Variants in TTC28 observed in about 807,000 individuals in gnomAD.
TTC28 encodes the protein tetratricopeptide repeat domain 28.
TTC28 carries 61 observed loss-of-function variants against 198.0 expected under a neutral mutation model. The ratio of observed to expected loss-of-function variants is 0.31; its 90% CI spans 0.25 to 0.38. The LOEUF (loss-of-function observed/expected upper bound fraction) is 0.38, where lower values mean the gene tolerates loss of function less well. TTC28 is among the 10% of genes least tolerant of loss of function. The pLI is 1.00. For synonymous variants in TTC28, 1,171 were observed against 1,297.8 expected (o/e 0.90, Z 2.10); for missense variants, 2,678 against 3,164.0 (o/e 0.85, Z 3.69).
chr22:28,537,810 GGT>G (rs1265537134), intron 2 of TTC28, among the ~76,000 whole-genome samples: 1 of 152,002 alleles, frequency 6.6e-6, no homozygotes, highest in African/African-American at 2.4e-5. Context: ...AATAAACTAG[GGT>G]AGTTCTCTAT....
intron 5 of TTC28, among the ~76,000 whole-genome samples, chr22:28,279,607 T>C (rs1434174262): frequency 6.6e-6 from 1 of 152,202 alleles, no homozygotes; most frequent in Non-Finnish European, 1.5e-5. Flanking sequence ...TCTTATCTTG[T>C]GACCCACCCA....
intron 5 of TTC28, among the ~76,000 whole-genome samples, chr22:28,260,041 T>C (rs1569226560): frequency 1.3e-5 from 2 of 152,290 alleles, no homozygotes; most frequent in South Asian, 2.1e-4. Context: ...TTTCAGTTGA[T>C]GCTGTGCTCT....
At chr22:27,990,577 C>G (rs1937363891) in intron 20 of TTC28, among the ~76,000 whole-genome samples, 1 of 152,110 alleles carries the variant, frequency 6.6e-6, no homozygotes, top group Admixed American at 6.6e-5. Flanking sequence ...ATCAAGGACG[C>G]AAGAAGGGCG....
rs8137771 is a variant in TTC28 at position 28,648,156 on chromosome 22, G to A, written c.103-18326C>T. Among the ~76,000 whole-genome samples the A allele has an allele frequency of 4.7e-3, 702 of 150,042 alleles. 3 individuals are homozygous for A. The highest frequency in any genetic ancestry group is 0.016 in the African/African-American group (665 of 40,818). On this transcript the variant is annotated intron_variant, in intron 1 of 22. Coordinates refer to ENST00000397906, the MANE Select transcript of TTC28 (RefSeq NM_001145418.2). ...GGAGAATGTCGTGAACCCAGGAGGCGGAGCTTGCAGCGAGCCAAGATCGTG... is the reference window on the plus strand; with the variant it reads ...GGAGAATGTCGTGAACCCAGGAGGCAGAGCTTGCAGCGAGCCAAGATCGTG...
At chr22:28,337,340 T>C (rs1381104079) in intron 2 of TTC28, among the ~76,000 whole-genome samples, 1 of 152,196 alleles carries the variant, frequency 6.6e-6, no homozygotes, top group East Asian at 1.9e-4. Flanking sequence ...GAGAGTTCTG[T>C]AGATGTCTAT....
chr22:27,980,623 A>T lies in TTC28; in HGVS notation c.*1598T>A, dbSNP rs1936977107. On this transcript the variant is annotated 3_prime_UTR_variant, in exon 23 of 23. Coordinates refer to ENST00000397906, the MANE Select transcript of TTC28 (RefSeq NM_001145418.2). Reference sequence around the variant, plus strand: ...CTGCCAGGCCCCTCAGGTCTGCTCCATGTGCTGCTGGTGGCCCAGGCCAGG... The same window carrying T: ...CTGCCAGGCCCCTCAGGTCTGCTCCTTGTGCTGCTGGTGGCCCAGGCCAGG... 6.6e-6 allele frequency: 1 copy of T among 152,252 alleles called. No homozygotes were observed. The highest frequency in any genetic ancestry group is 2.1e-4 in the South Asian group (1 of 4,834). The allele number at this position is 152,252 out of a possible 1,614,324, so 9.4% of individuals were successfully genotyped here. A position where few individuals can be genotyped will look rare whatever the true frequency, so the allele number is the denominator to read the frequency against.
chr22:28,079,134 C>T (rs1360772866), intron 12 of TTC28, among the ~76,000 whole-genome samples: 1 of 152,058 alleles, frequency 6.6e-6, no homozygotes, highest in African/African-American at 2.4e-5. Context: ...GTTTGGGGAG[C>T]TTTGTGGTGG....
intron 2 of TTC28, among the ~76,000 whole-genome samples, chr22:28,572,510 G>C (rs534178613): frequency 6.6e-6 from 1 of 152,050 alleles, no homozygotes; most frequent in Non-Finnish European, 1.5e-5. Context: ...TATTAAACAT[G>C]GCCCTGACCT....
intron 1 of TTC28, among the ~76,000 whole-genome samples, chr22:28,632,913 C>G (rs1418813201): frequency 6.6e-6 from 1 of 151,804 alleles, no homozygotes; most frequent in Non-Finnish European, 1.5e-5. Context: ...ACTGCTTGAG[C>G]CCAGGAGTTT....
chr22:28,284,173 A>G (rs749062320), intron 5 of TTC28, among the ~76,000 whole-genome samples: 2 of 152,238 alleles, frequency 1.3e-5, no homozygotes. Flanking sequence ...ATCCAAAGGC[A>G]TTACAGCACC....
chr22:28,610,107 AC>A (rs1272438940), intron 2 of TTC28, among the ~76,000 whole-genome samples: 1 of 151,536 alleles, frequency 6.6e-6, no homozygotes, highest in African/African-American at 2.4e-5. Context: ...TATAGATAAA[AC>A]CCCCATCTTC....
At chr22:28,292,223 T>C (rs2044801529) in intron 5 of TTC28, among the ~76,000 whole-genome samples, 1 of 152,190 alleles carries the variant, frequency 6.6e-6, no homozygotes, top group Non-Finnish European at 1.5e-5. Flanking sequence ...CCTCTCTCTC[T>C]CTTGCCCAGA....
chr22:28,036,564 C>G (rs1487415443), intron 12 of TTC28, among the ~76,000 whole-genome samples: 1 of 152,190 alleles, frequency 6.6e-6, no homozygotes, highest in Non-Finnish European at 1.5e-5. Flanking sequence ...CAAGAGAAAG[C>G]AGGAGAGATC....
At chr22:28,480,094 G>A (rs188628647) in intron 2 of TTC28, among the ~76,000 whole-genome samples, 11 of 152,286 alleles carry the variant, frequency 7.2e-5, no homozygotes, top group Non-Finnish European at 1.6e-4. Context: ...TCAACATGCA[G>A]ATTTTACAAG....
At chr22:28,290,245 C>G (rs1391133168) in intron 5 of TTC28, among the ~76,000 whole-genome samples, 1 of 152,026 alleles carries the variant, frequency 6.6e-6, no homozygotes, top group Non-Finnish European at 1.5e-5. Flanking sequence ...ATTTCACTAT[C>G]AAAATGATGC....
chr22:28,295,587 G>A (rs2044877635), intron 5 of TTC28, among the ~76,000 whole-genome samples: 1 of 152,148 alleles, frequency 6.6e-6, no homozygotes, highest in African/African-American at 2.4e-5. Context: ...AGGAAGTACT[G>A]CAGCTGGGAT....
chr22:28,645,073 A>G (rs1193867037), intron 1 of TTC28, among the ~76,000 whole-genome samples: 1 of 151,644 alleles, frequency 6.6e-6, no homozygotes, highest in Non-Finnish European at 1.5e-5. Flanking sequence ...TGAACCCAGG[A>G]GGCAGAGCTT....
At chr22:28,653,781 T>C (rs1165828509) in intron 1 of TTC28, among the ~76,000 whole-genome samples, 1 of 152,210 alleles carries the variant, frequency 6.6e-6, no homozygotes, top group Non-Finnish European at 1.5e-5. Flanking sequence ...TTAGCTCCCT[T>C]ATACATACCA....
At chr22:28,432,631 T>C (rs902802826) in intron 2 of TTC28, among the ~76,000 whole-genome samples, 1 of 152,192 alleles carries the variant, frequency 6.6e-6, no homozygotes, top group Non-Finnish European at 1.5e-5. Flanking sequence ...AGAACCACGC[T>C]AGCATCAGAA....
Sources: gnomAD v4.1 joint callset for allele counts (sites outside exome capture counted in the v4.1 genomes callset) on GRCh38, gnomAD v4.1.1 for gene constraint, MANE v1.5 for transcripts, NCBI Gene and HGNC (gene_info 2026-07-23, HGNC 2026-07-21) for gene names.